The following UBE2E1 variants were observed in gnomAD, a reference collection of about 807,000 sequenced individuals.
The protein encoded by UBE2E1 is ubiquitin-conjugating enzyme E2 E1.
A neutral mutation model predicts 21.4 loss-of-function variants in UBE2E1; 6 were observed. The observed-to-expected ratio is 0.28, with a 90% CI of 0.15 to 0.55. The LOEUF (loss-of-function observed/expected upper bound fraction) is 0.55. Among genes scored for constraint, UBE2E1 ranks in the 20% least tolerant of loss-of-function variants. The probability of loss-of-function intolerance (pLI) is 0.93; values close to 1 mark genes in which losing one functional copy is unlikely to be tolerated. For missense variants in UBE2E1, 142 were observed against 236.5 expected (o/e 0.60, Z 2.62); for synonymous variants, 87 against 82.7 (o/e 1.05, Z -0.28).
chr3:23,845,895 C>T (rs1700193439), intron 3 of UBE2E1, among the ~76,000 whole-genome samples: 2 of 152,122 alleles, frequency 1.3e-5, no homozygotes, highest in Non-Finnish European at 2.9e-5. Context: ...TTTCACGTGT[C>T]ATAAAATACT....
intron 3 of UBE2E1, among the ~76,000 whole-genome samples, chr3:23,858,864 A>T (rs1398197476): frequency 6.6e-6 from 1 of 152,098 alleles, no homozygotes; most frequent in Admixed American, 6.5e-5. Context: ...GAGGGAGAGG[A>T]GGGTTGCCCA....
intron 3 of UBE2E1, among the ~76,000 whole-genome samples, chr3:23,847,010 T>G (rs189772361): frequency 2.9e-4 from 44 of 152,338 alleles, no homozygotes; most frequent in African/African-American, 9.9e-4. Context: ...GATAAGCTAA[T>G]TCTTGAAACT....
At chr3:23,889,383 CTTTTCAAAAGAAAG>C (rs1202887466) in intron 5 of UBE2E1, 124 bp downstream of exon 5, 1 of 1,524,718 alleles carries the variant, frequency 6.6e-7, no homozygotes, top group East Asian at 2.4e-5. Flanking sequence ...AACTAATCGG[CTTTTCAAAAGAAAG>C]TTTTAATCAA....
In UBE2E1 at chr3:23,823,370, GTAAT is replaced by G. The variant is rs1489094588; in HGVS notation, c.203+11863_203+11866del. On this transcript the variant is annotated intron_variant, in intron 3 of 5. Coordinates refer to ENST00000306627, the MANE Select transcript of UBE2E1 (RefSeq NM_003341.5). This position sits in a 1 kb window ranked among gnomAD's most constrained non-coding sequence, Gnocchi z 4.2. ...AGGAATCATTCTTCTAATTCAGAGA[GTAAT>G]TAGTTGGAATCACAAAAGCATTAGG... is the stretch of plus-strand genomic sequence containing the variant. 6.6e-6 allele frequency among the ~76,000 whole-genome samples: 1 copy of G among 152,206 alleles called. No individual in the cohort carries two copies. Among genetic ancestry groups the G allele is most frequent in the Non-Finnish European group, 1.5e-5 (1 of 68,034 alleles).
chr3:23,837,828 A>G (rs545868064), intron 3 of UBE2E1, among the ~76,000 whole-genome samples: 5 of 152,316 alleles, frequency 3.3e-5, no homozygotes, highest in South Asian at 2.1e-4. Context: ...AAATACTACA[A>G]ACTTTCAATA....
intron 3 of UBE2E1, among the ~76,000 whole-genome samples, chr3:23,817,224 C>T (rs774566208): frequency 3.9e-5 from 6 of 152,026 alleles, no homozygotes; most frequent in Admixed American, 6.6e-5. Context: ...GGGTAGATCA[C>T]CTGAGGTCAG....
chr3:23,864,071 A>C (rs1027547993), intron 3 of UBE2E1, among the ~76,000 whole-genome samples: 1 of 152,156 alleles, frequency 6.6e-6, no homozygotes, highest in Non-Finnish European at 1.5e-5. Flanking sequence ...CTTGGGAGAT[A>C]ATTTTTTAGA....
At chr3:23,888,104 G>A in intron 4 of UBE2E1, 1 of 407,774 alleles carries the variant, frequency 2.5e-6, no homozygotes, top group Non-Finnish European at 4.8e-6. Flanking sequence ...TCCAGTCTGG[G>A]CAACAAAGCA....
At chr3:23,871,638 G>T (rs2125320412) in intron 3 of UBE2E1, among the ~76,000 whole-genome samples, 1 of 148,420 alleles carries the variant, frequency 6.7e-6, no homozygotes, top group South Asian at 2.2e-4. Context: ...CAGGCGGAGG[G>T]TCTCCTCGCT....
intron 3 of UBE2E1, among the ~76,000 whole-genome samples, chr3:23,885,061 C>A (rs995051759): frequency 6.6e-6 from 1 of 152,178 alleles, no homozygotes; most frequent in Non-Finnish European, 1.5e-5. Flanking sequence ...GTTTATTTCT[C>A]ACAGTTCTGG....
intron 3 of UBE2E1, among the ~76,000 whole-genome samples, chr3:23,848,559 C>T (rs543851057): frequency 6.6e-6 from 1 of 151,988 alleles, no homozygotes; most frequent in Non-Finnish European, 1.5e-5. Flanking sequence ...CCAAATATGT[C>T]CTTATGCTTA....
At chr3:23,821,490 T>G (rs1575807321) in intron 3 of UBE2E1, among the ~76,000 whole-genome samples, 1 of 152,266 alleles carries the variant, frequency 6.6e-6, no homozygotes, top group East Asian at 1.9e-4. Context: ...CCCTGCTGCA[T>G]GGAAAATAGC....
chr3:23,869,839 C>T (rs927081086), intron 3 of UBE2E1, among the ~76,000 whole-genome samples: 3 of 151,790 alleles, frequency 2.0e-5, no homozygotes, highest in Non-Finnish European at 2.9e-5. Flanking sequence ...AGAATGATCC[C>T]GCCCAAATTA....
At chr3:23,833,890 C>T (rs540698899) in intron 3 of UBE2E1, among the ~76,000 whole-genome samples, 3 of 152,024 alleles carry the variant, frequency 2.0e-5, no homozygotes, top group African/African-American at 2.4e-5. Flanking sequence ...CCCAGCTACT[C>T]GAGAGGCTGA....
chr3:23,823,798 G>T lies in UBE2E1; in HGVS notation c.203+12288G>T, dbSNP rs967757219. Among the ~76,000 whole-genome samples, 35 of 152,340 alleles carry T rather than the reference G, an allele frequency of 2.3e-4. No homozygotes were observed. The highest frequency in any genetic ancestry group is 8.4e-4 in the African/African-American group (35 of 41,582). On this transcript the variant is annotated intron_variant, in intron 3 of 5. Coordinates refer to ENST00000306627, the MANE Select transcript of UBE2E1 (RefSeq NM_003341.5). This position sits in a 1 kb window ranked among gnomAD's most constrained non-coding sequence, Gnocchi z 4.2. ...AGTAATGTGTGTGCAGAGACTGGCA[G>T]TAAAGTTAGCAGCGTCATATACTAC... is the stretch of plus-strand genomic sequence containing the variant.
At position 23,858,103 on chromosome 3, in the gene UBE2E1, A is replaced by G. The variant is rs1700478417; in HGVS notation, c.204-29464A>G. Among the ~76,000 whole-genome samples the G allele has an allele frequency of 2.0e-5, 3 of 152,104 alleles. No homozygotes were observed. In the South Asian group the frequency reaches 6.2e-4, roughly 32 times the overall value. On this transcript the variant is annotated intron_variant, in intron 3 of 5. Coordinates refer to ENST00000306627, the MANE Select transcript of UBE2E1 (RefSeq NM_003341.5). ...AGTTGAGAGGTACTGAGCTAGTTAA[A>G]CCTCAGGCGCTTTCCCTGCGAAGGC...
At chr3:23,829,129 A>G (rs1699813355) in intron 3 of UBE2E1, among the ~76,000 whole-genome samples, 2 of 146,032 alleles carry the variant, frequency 1.4e-5, no homozygotes, top group South Asian at 2.2e-4. Context: ...GATAAGATGG[A>G]GGATTATTAT....
Position 23,889,567 on chromosome 3 carries a change from A to G in UBE2E1, c.484+308A>G, listed in dbSNP as rs925390264. 9 of 1,370,816 alleles carry G rather than the reference A, an allele frequency of 6.6e-6. 1 individual carries two copies. The highest frequency in any genetic ancestry group is 6.5e-6 in the Non-Finnish European group (7 of 1,068,970). 84.9% of individuals were successfully genotyped at this position (1,370,816 alleles called of 1,614,324 possible). A position where few individuals can be genotyped will look rare whatever the true frequency, so the allele number is the denominator to read the frequency against. The stretch of plus-strand genomic sequence containing the variant: ...TTGCTTAATTTCCCATAGAGTTCTT[A>G]TAAAACAAATCAGACACTTCTAAAT... On this transcript the variant is annotated intron_variant, in intron 5 of 5. Coordinates refer to ENST00000306627, the MANE Select transcript of UBE2E1 (RefSeq NM_003341.5).
Position 23,807,487 on chromosome 3 carries a change from T to G in UBE2E1, c.152+66T>G, listed in dbSNP as rs559018447. 146 of 1,571,736 alleles carry G rather than the reference T, an allele frequency of 9.3e-5. 2 individuals carry two copies. In the South Asian group the frequency reaches 1.5e-3, roughly 16 times the overall value. On this transcript the variant is annotated intron_variant, in intron 2 of 5. Transcript: ENST00000306627. ...GAACTGCCTCTTGCTGCATTTGGTCTGCCTCCCAATGAGGATAGCTTAAAC... is the reference window on the plus strand; with the variant it reads ...GAACTGCCTCTTGCTGCATTTGGTCGGCCTCCCAATGAGGATAGCTTAAAC...
Sources: gnomAD v4.1 joint callset for allele counts (sites outside exome capture counted in the v4.1 genomes callset) on GRCh38, gnomAD v4.1.1 for gene constraint, Gnocchi (gnomAD v3.1) non-coding constraint, MANE v1.5 for transcripts, NCBI Gene and HGNC (gene_info 2026-07-23, HGNC 2026-07-21) for gene names.